The following ALPK1 variants were observed in gnomAD, a reference collection of about 807,000 sequenced individuals.
ALPK1 encodes the protein alpha kinase 1, also known as alpha-protein kinase 1.
A neutral mutation model predicts 120.6 loss-of-function variants in ALPK1; 110 were observed. The observed-to-expected ratio is 0.91, with a 90% CI of 0.78 to 1.07. The LOEUF (loss-of-function observed/expected upper bound fraction) is 1.07. Among genes scored for constraint, ALPK1 ranks in the 50% least tolerant of loss-of-function variants. The pLI is 0.00. For synonymous variants in ALPK1, 582 were observed against 560.3 expected, an observed-to-expected ratio of 1.04 and a Z score of -0.55; for missense variants, 1,498 against 1,483.9, an observed-to-expected ratio of 1.01 and a Z score of -0.16.
chr4:112,439,596 C>A, intron 13 of ALPK1, 90 bp from the exon 14 acceptor site: 1 of 1,092,828 alleles, frequency 9.2e-7, no homozygotes, highest in Non-Finnish European at 1.3e-6. Context: ...AGCAAAGTGG[C>A]AGAGCCTAGG....
intron 3 of ALPK1, 72 bp downstream of exon 3, chr4:112,377,970 G>A (rs915025180): frequency 8.2e-6 from 12 of 1,456,622 alleles, no homozygotes; most frequent in African/African-American, 5.7e-5. Flanking sequence ...TGAACGACAC[G>A]TTCTTATCTC....
chr4:112,401,526 G>A (rs995686974), intron 4 of ALPK1, among the ~76,000 whole-genome samples: 2 of 152,214 alleles, frequency 1.3e-5, no homozygotes, highest in Admixed American at 6.5e-5. Flanking sequence ...GAAGAAGATA[G>A]TTGGAGAGAA....
chr4:112,365,156 G>T (rs562574459), intron 2 of ALPK1, among the ~76,000 whole-genome samples: 1 of 152,114 alleles, frequency 6.6e-6, no homozygotes, highest in South Asian at 2.1e-4. Context: ...AGACAAAGAC[G>T]CCCACTTTCA....
Position 112,429,167 on chromosome 4 carries a change from G to T in ALPK1, c.814G>T (p.Asp272Tyr). 4 of 1,613,392 alleles carry T rather than the reference G, an allele frequency of 2.5e-6. No homozygotes were observed. The South Asian group carries it at 3.3e-5, about 13-fold the overall frequency. The change falls in exon 10 of 16, where the codon GAC becomes TAC. Residue 272 changes from aspartate to tyrosine, a missense_variant. Transcript: ENST00000650871. Reference sequence around the variant, plus strand: ...CTCACAGAGCCTGCTGAAGGAGTTTGACCACCATTTGCTGTCCGCTGCAGA... The same window carrying T: ...CTCACAGAGCCTGCTGAAGGAGTTTTACCACCATTTGCTGTCCGCTGCAGA... Reference protein sequence around the residue: ...QINLSLLKEFDHHLLSAAEAC... With the variant: ...QINLSLLKEFYHHLLSAAEAC...
intron 6 of ALPK1, chr4:112,425,458 T>G: frequency 2.6e-6 from 1 of 391,766 alleles, no homozygotes; most frequent in Non-Finnish European, 4.8e-6. Context: ...GGACAGAGAG[T>G]AAGTAGGGGA....
At chr4:112,412,535 T>A (rs930662469) in intron 5 of ALPK1, 1 of 437,618 alleles carries the variant, frequency 2.3e-6, no homozygotes, top group Non-Finnish European at 4.6e-6. Context: ...TATCTTTTTT[T>A]TTCCTGTCAC....
chr4:112,387,859 A>G (rs1397511066), intron 4 of ALPK1, among the ~76,000 whole-genome samples: 1 of 152,132 alleles, frequency 6.6e-6, no homozygotes, highest in South Asian at 2.1e-4. Flanking sequence ...GGTTTGTTGT[A>G]CAGAGTATTT....
In ALPK1 at chr4:112,356,572, C is replaced by G. The variant is rs1249029056; in HGVS notation, c.-100-21106C>G. On this transcript the variant is annotated intron_variant, in intron 2 of 15. Transcript: ENST00000650871. Reference sequence around the variant, plus strand: ...TCCCGGGAGCAGCTGTGCATCCACCCTGAGGTGAAGAAGCAGGAGAGTAAC... The same window carrying G: ...TCCCGGGAGCAGCTGTGCATCCACCGTGAGGTGAAGAAGCAGGAGAGTAAC... The G allele has an allele frequency of 7.5e-6, 6 of 800,516 alleles. No individual in the cohort carries two copies. The African/African-American group carries it at 1.0e-4, about 14-fold the overall frequency. 49.6% of individuals were successfully genotyped at this position (800,516 alleles called of 1,614,324 possible).
intron 4 of ALPK1, among the ~76,000 whole-genome samples, chr4:112,397,102 T>C (rs1732686673): frequency 6.6e-6 from 1 of 152,208 alleles, no homozygotes; most frequent in Non-Finnish European, 1.5e-5. Context: ...CTTTACTTTA[T>C]AGATGAAAAT....
At chr4:112,434,771 T>C (rs1245658283) in intron 11 of ALPK1, among the ~76,000 whole-genome samples, 4 of 152,182 alleles carry the variant, frequency 2.6e-5, no homozygotes, top group Non-Finnish European at 5.9e-5. Flanking sequence ...GATCCCCAGG[T>C]AATAATAGTA....
intron 4 of ALPK1, among the ~76,000 whole-genome samples, chr4:112,392,417 T>C (rs559499973): frequency 3.9e-5 from 6 of 152,356 alleles, no homozygotes; most frequent in African/African-American, 1.4e-4. Flanking sequence ...CATTTTCCTT[T>C]CCCTAATCCT....
chr4:112,323,773 C>G (rs1186876925), intron 2 of ALPK1, among the ~76,000 whole-genome samples: 1 of 152,210 alleles, frequency 6.6e-6, no homozygotes, highest in Non-Finnish European at 1.5e-5. Context: ...TGCTTCTACG[C>G]TCCTTATAAG....
At chr4:112,348,960 C>G (rs1730211261) in intron 2 of ALPK1, among the ~76,000 whole-genome samples, 1 of 152,230 alleles carries the variant, frequency 6.6e-6, no homozygotes, top group African/African-American at 2.4e-5. Flanking sequence ...CTGTCAGCCA[C>G]TTCAGGGCGC....
chr4:112,409,778 G>T (rs1471871983), intron 4 of ALPK1, among the ~76,000 whole-genome samples: 1 of 152,154 alleles, frequency 6.6e-6, no homozygotes, highest in Admixed American at 6.5e-5. Flanking sequence ...GTGATAGAAA[G>T]AGGCCGAGGA....
intron 12 of ALPK1, among the ~76,000 whole-genome samples, chr4:112,435,906 A>T (rs1734771433): frequency 6.6e-6 from 1 of 152,054 alleles, no homozygotes; most frequent in South Asian, 2.1e-4. Context: ...ATCTTTGAAA[A>T]CCCCACCCCA....
chr4:112,409,158 A>C (rs1348527873), intron 4 of ALPK1, among the ~76,000 whole-genome samples: 1 of 152,166 alleles, frequency 6.6e-6, no homozygotes, highest in African/African-American at 2.4e-5. Flanking sequence ...TGGCCACAGA[A>C]TCATGAGGGG....
intron 4 of ALPK1, among the ~76,000 whole-genome samples, chr4:112,401,549 C>T (rs1173901151): frequency 1.3e-5 from 2 of 152,088 alleles, no homozygotes; most frequent in Non-Finnish European, 2.9e-5. Flanking sequence ...AGGTCATGGG[C>T]AAGAGACACC....
Position 112,411,878 on chromosome 4 carries a change from A to G in ALPK1, c.328A>G (p.Ile110Val). 4 of 1,613,496 alleles carry G rather than the reference A, an allele frequency of 2.5e-6. No individual in the cohort carries two copies. Among genetic ancestry groups the G allele is most frequent in the Non-Finnish European group, 1.7e-6 (2 of 1,179,852 alleles). ...TCGGGACTGTGCGGCTGCGGCGGCT[A>G]TTGTGTTCTTGGTGGACCGGTTCCT... ...LARDCAAAAAIVFLVDRFLYG... is the reference protein window; with the variant it reads ...LARDCAAAAAVVFLVDRFLYG... Residue 110 changes from isoleucine (I) to valine (V), a missense_variant, in exon 5 of 16, where the codon ATT (isoleucine) becomes GTT (valine). Coordinates refer to ENST00000650871, the MANE Select transcript of ALPK1 (RefSeq NM_025144.4).
intron 2 of ALPK1, among the ~76,000 whole-genome samples, chr4:112,329,145 T>C (rs552638924): frequency 6.6e-6 from 1 of 152,032 alleles, no homozygotes; most frequent in African/African-American, 2.4e-5. Context: ...AAAGAATAAA[T>C]ATACATGCTT....
Sources: allele counts gnomAD v4.1 joint callset (sites outside exome capture counted in the v4.1 genomes callset), GRCh38; gene constraint gnomAD v4.1.1; transcripts MANE v1.5; gene names NCBI Gene and HGNC (gene_info 2026-07-23, HGNC 2026-07-21).